GALNTL6: variants seen among roughly 807,000 people sequenced by gnomAD.
GALNTL6 encodes polypeptide N-acetylgalactosaminyltransferase-like 6.
A neutral mutation model predicts 73.7 loss-of-function variants in GALNTL6; 46 were observed. The ratio of observed to expected loss-of-function variants is 0.62; its 90% CI spans 0.49 to 0.80. The LOEUF (loss-of-function observed/expected upper bound fraction) is 0.80, where lower values mean the gene tolerates loss of function less well. Ranked by LOEUF, GALNTL6 falls within the 30% of genes least tolerant of loss-of-function variation. The pLI is 0.00. For synonymous variants in GALNTL6, 259 were observed against 263.7 expected, an observed-to-expected ratio of 0.98 and a Z score of 0.17; for missense variants, 604 against 755.0, an observed-to-expected ratio of 0.80 and a Z score of 2.34.
chr4:172,732,183 G>A (rs1412246369), intron 5 of GALNTL6, among the ~76,000 whole-genome samples: 2 of 151,884 alleles, frequency 1.3e-5, no homozygotes, highest in Non-Finnish European at 2.9e-5. Context: ...TCTTCCTTTA[G>A]GTCTATTCAT....
At chr4:172,639,327 C>T (rs1226026502) in intron 5 of GALNTL6, among the ~76,000 whole-genome samples, 8 of 152,066 alleles carry the variant, frequency 5.3e-5, no homozygotes, top group East Asian at 1.9e-4. Flanking sequence ...TCAGCATTTT[C>T]GTTTCCTCAC....
chr4:171,989,184 C>T (rs996455722), intron 2 of GALNTL6, among the ~76,000 whole-genome samples: 5 of 151,980 alleles, frequency 3.3e-5, no homozygotes, highest in Admixed American at 6.6e-5. Flanking sequence ...TGAGTAGCCT[C>T]CGTATTGATT....
intron 5 of GALNTL6, among the ~76,000 whole-genome samples, chr4:172,370,466 A>C (rs1382725031): frequency 6.6e-6 from 1 of 151,544 alleles, no homozygotes; most frequent in Admixed American, 6.6e-5. Flanking sequence ...TCTACTAAAA[A>C]TACCAAAAAA....
Position 172,813,604 on chromosome 4 carries a change from C to T in GALNTL6, c.804C>T (p.His268=). The change falls in exon 7 of 13, where the codon CAC becomes CAT. Residue 268 remains histidine (H), a synonymous_variant. Transcript: ENST00000506823. ...CPMIDVIDHN[H]FGYEAQAGDA... is the part of the protein sequence containing the mutation. The stretch of plus-strand genomic sequence containing the variant: ...TGATCGATGTCATTGACCACAATCA[C>T]TTCGGGTATGAGGCACAAGCTGGGG... 1 of 1,613,264 alleles carries T rather than the reference C, an allele frequency of 6.2e-7. No homozygotes were observed. The highest frequency in any genetic ancestry group is 8.5e-7 in the Non-Finnish European group (1 of 1,179,444).
rs576575822 is a variant in GALNTL6, at chr4:172,782,026, C to A, written c.554-27335C>A. Among the ~76,000 whole-genome samples, 37 of 151,918 alleles carry A rather than the reference C, an allele frequency of 2.4e-4. No homozygotes were observed. The East Asian group carries it at 6.6e-3, about 27-fold the overall frequency. On this transcript the variant is annotated intron_variant, in intron 5 of 12. Transcript: ENST00000506823. ...TTTGGGATAGGCTTGCTTCTCTGATCCCTAATAGGTCTCAGCACCTAATAT... is the reference window on the plus strand; with the variant it reads ...TTTGGGATAGGCTTGCTTCTCTGATACCTAATAGGTCTCAGCACCTAATAT...
intron 2 of GALNTL6, among the ~76,000 whole-genome samples, chr4:172,103,717 A>T (rs528783142): frequency 6.6e-6 from 1 of 152,264 alleles, no homozygotes; most frequent in South Asian, 2.1e-4. Flanking sequence ...GCTAAAGAGG[A>T]TATCTGTGCT....
intron 2 of GALNTL6, among the ~76,000 whole-genome samples, chr4:171,887,286 AC>A (rs1415005566): frequency 1.3e-5 from 2 of 152,200 alleles, no homozygotes; most frequent in Non-Finnish European, 2.9e-5. Flanking sequence ...TTTGGAGGAA[AC>A]AAAACATTCA....
chr4:171,943,013 AG>A (rs893047672), intron 2 of GALNTL6, among the ~76,000 whole-genome samples: 31 of 152,340 alleles, frequency 2.0e-4, no homozygotes, highest in African/African-American at 7.2e-4. Context: ...CAAAAATATT[AG>A]TATTATAAGT....
At chr4:172,176,337 C>CAACAAAAAAAA (rs1734996244) in intron 2 of GALNTL6, among the ~76,000 whole-genome samples, 1 of 31,362 alleles carries the variant, frequency 3.2e-5, no homozygotes, top group African/African-American at 1.4e-4. Flanking sequence ...GACTCCGTCT[C>CAACAAAAAAAA]AAAAAAAAAA....
chr4:172,018,956 C>T (rs1305566376), intron 2 of GALNTL6, among the ~76,000 whole-genome samples: 1 of 152,028 alleles, frequency 6.6e-6, no homozygotes, highest in Non-Finnish European at 1.5e-5. Flanking sequence ...TGTGTGACTC[C>T]CTAAATCCTT....
chr4:171,946,815 G>A lies in GALNTL6; in HGVS notation c.138+132097G>A, dbSNP rs932340698. Reference sequence around the variant, plus strand: ...AGGAAAAGGATTTGGCATGTTAGAGGGACAGAGAGGGGCCAGAAGAGAAGG... The same window carrying A: ...AGGAAAAGGATTTGGCATGTTAGAGAGACAGAGAGGGGCCAGAAGAGAAGG... On this transcript the variant is annotated intron_variant, in intron 2 of 12. Coordinates refer to ENST00000506823, the MANE Select transcript of GALNTL6 (RefSeq NM_001034845.3). 1.1e-4 allele frequency among the ~76,000 whole-genome samples: 17 copies of A among 152,144 alleles called. No homozygotes were observed. The East Asian group carries it at 3.1e-3, about 28-fold the overall frequency.
intron 5 of GALNTL6, among the ~76,000 whole-genome samples, chr4:172,395,230 G>C (rs1335162681): frequency 1.3e-5 from 2 of 152,068 alleles, no homozygotes; most frequent in African/African-American, 2.4e-5. Context: ...GTAATGTAAA[G>C]TTTCATACAA....
chr4:171,832,532 A>G (rs1393638024), intron 2 of GALNTL6, among the ~76,000 whole-genome samples: 2 of 151,556 alleles, frequency 1.3e-5, no homozygotes, highest in African/African-American at 2.4e-5. Context: ...ATATCTACTT[A>G]TATAATTTGT....
At chr4:171,868,304 C>G (rs1736028647) in intron 2 of GALNTL6, among the ~76,000 whole-genome samples, 1 of 152,292 alleles carries the variant, frequency 6.6e-6, no homozygotes, top group Middle Eastern at 3.4e-3. Context: ...GAATTCTCTG[C>G]ATTTCCCATT....
At chr4:172,217,306 A>G (rs763626323) in intron 2 of GALNTL6, among the ~76,000 whole-genome samples, 7 of 152,144 alleles carry the variant, frequency 4.6e-5, no homozygotes, top group Non-Finnish European at 8.8e-5. Flanking sequence ...TTGTTACATA[A>G]TGTTACGCAG....
chr4:172,547,223 G>C (rs1226436245), intron 5 of GALNTL6, among the ~76,000 whole-genome samples: 1 of 151,972 alleles, frequency 6.6e-6, no homozygotes, highest in East Asian at 1.9e-4. Flanking sequence ...TTGAAGGTGG[G>C]TCCCTGCCTA....
At chr4:172,575,324 T>C (rs925481561) in intron 5 of GALNTL6, among the ~76,000 whole-genome samples, 2 of 152,204 alleles carry the variant, frequency 1.3e-5, no homozygotes, top group African/African-American at 4.8e-5. Context: ...CCATCATATG[T>C]TAAGAATTTC....
chr4:172,002,206 A>G (rs763575233), intron 2 of GALNTL6, among the ~76,000 whole-genome samples: 7 of 152,220 alleles, frequency 4.6e-5, no homozygotes, highest in Non-Finnish European at 8.8e-5. Flanking sequence ...CTTGGTCCCT[A>G]TCAAATTCAT....
intron 2 of GALNTL6, among the ~76,000 whole-genome samples, chr4:171,859,773 C>T (rs1337940211): frequency 6.6e-6 from 1 of 152,102 alleles, no homozygotes; most frequent in Non-Finnish European, 1.5e-5. Context: ...GTCAGATAAG[C>T]ATGTAGTGAC....
Sources: gnomAD v4.1 joint callset for allele counts (sites outside exome capture counted in the v4.1 genomes callset) on GRCh38, gnomAD v4.1.1 for gene constraint, MANE v1.5 for transcripts, NCBI Gene and HGNC (gene_info 2026-07-23, HGNC 2026-07-21) for gene names.